Variants in PCDHA11 observed in about 807,000 individuals in gnomAD.
The protein encoded by PCDHA11 is protocadherin alpha 11.
PCDHA11 carries 61 observed loss-of-function variants against 70.3 expected under a neutral mutation model. The ratio of observed to expected loss-of-function variants is 0.87; its 90% CI spans 0.71 to 1.07. The LOEUF (loss-of-function observed/expected upper bound fraction) is 1.07, where lower values mean the gene tolerates loss of function less well. PCDHA11 is among the 50% of genes least tolerant of loss of function. The pLI is 0.00. For missense variants in PCDHA11, 1,324 were observed against 1,237.5 expected, an observed-to-expected ratio of 1.07 and a Z score of -1.05; for synonymous variants, 633 against 555.1, an observed-to-expected ratio of 1.14 and a Z score of -1.97.
At chr5:141,003,968 G>A (rs1262948428) in intron 3 of PCDHA11, among the ~76,000 whole-genome samples, 1 of 152,148 alleles carries the variant, frequency 6.6e-6, no homozygotes, top group Non-Finnish European at 1.5e-5. Flanking sequence ...GGAGCATAAG[G>A]GAGGGGACTT....
chr5:140,983,711 G>C (rs2097062291), intron 3 of PCDHA11, among the ~76,000 whole-genome samples: 1 of 152,202 alleles, frequency 6.6e-6, no homozygotes, highest in Non-Finnish European at 1.5e-5. Context: ...AGTATATCTA[G>C]CACTTATATT....
At chr5:140,945,142 A>G (rs2093746990) in intron 1 of PCDHA11, among the ~76,000 whole-genome samples, 1 of 152,184 alleles carries the variant, frequency 6.6e-6, no homozygotes. Context: ...AATCAATAGC[A>G]TTTCTATACA....
At chr5:140,902,677 G>A (rs1457054226) in intron 1 of PCDHA11, among the ~76,000 whole-genome samples, 6 of 151,960 alleles carry the variant, frequency 3.9e-5, no homozygotes, top group Non-Finnish European at 5.9e-5. Flanking sequence ...AGTGTACACC[G>A]TACCTAATAT....
At chr5:140,878,110 AC>A (rs1554170303) in intron 1 of PCDHA11, 1 of 249,146 alleles carries the variant, frequency 4.0e-6, no homozygotes, top group African/African-American at 2.3e-5. Context: ...CTTGAAAAAA[AC>A]AGTATATTAG....
chr5:140,896,687 T>G (rs782089227), intron 1 of PCDHA11, among the ~76,000 whole-genome samples: 2 of 152,170 alleles, frequency 1.3e-5, no homozygotes, highest in Non-Finnish European at 2.9e-5. Context: ...CTTTGCCCAT[T>G]TTTTGATGAG....
In PCDHA11 at chr5:140,871,504, C is replaced by CT; in HGVS notation, c.2391+11dup. Reference sequence around the variant, plus strand: ...AAATCACCCCGGACAGGTGAGTTTTCTACAGATTCCACCTATCAGGAAGTG... The same window carrying CT: ...AAATCACCCCGGACAGGTGAGTTTTCTTACAGATTCCACCTATCAGGAAGTG... On this transcript the variant is annotated intron_variant, in intron 1 of 3. Coordinates refer to ENST00000398640, the MANE Select transcript of PCDHA11 (RefSeq NM_018902.5). 1 of 1,581,824 alleles carries CT rather than the reference C, an allele frequency of 6.3e-7. No individual in the cohort carries two copies. The highest frequency in any genetic ancestry group is 1.1e-5 in the South Asian group (1 of 87,600).
At chr5:140,962,318 A>G (rs2095672102) in intron 1 of PCDHA11, among the ~76,000 whole-genome samples, 1 of 152,338 alleles carries the variant, frequency 6.6e-6, no homozygotes, top group South Asian at 2.1e-4. Context: ...GGCCATCTCA[A>G]TTGAGAATAC....
Position 140,882,079 on chromosome 5 carries a change from G to A in PCDHA11, c.2391+10585G>A. ...CTTACACGTTCATGCGCATGGTGTC[G>A]CTCTTCACTGAGAACGTTTCCGCGA... On this transcript the variant is annotated intron_variant, in intron 1 of 3. Transcript: ENST00000398640. The A allele has an allele frequency of 3.1e-6, 3 of 952,852 alleles. No homozygotes were observed. In the East Asian group the frequency reaches 7.8e-5, roughly 25 times the overall value. 59.0% of individuals were successfully genotyped at this position (952,852 alleles called of 1,614,324 possible). A position where few individuals can be genotyped will look rare whatever the true frequency, so the allele number is the denominator to read the frequency against.
At chr5:140,959,585 C>A (rs1363843588) in intron 1 of PCDHA11, among the ~76,000 whole-genome samples, 1 of 152,004 alleles carries the variant, frequency 6.6e-6, no homozygotes, top group Non-Finnish European at 1.5e-5. Context: ...TCAATTCTAT[C>A]AGCCAAGTAT....
intron 3 of PCDHA11, among the ~76,000 whole-genome samples, chr5:141,000,399 A>ATT (rs2097917152): frequency 1.5e-5 from 1 of 66,842 alleles, no homozygotes; most frequent in Non-Finnish European, 2.7e-5. Context: ...CTCTCTCTAT[A>ATT]TATATATATA....
At chr5:140,941,563 C>T (rs2093116700) in intron 1 of PCDHA11, among the ~76,000 whole-genome samples, 1 of 151,946 alleles carries the variant, frequency 6.6e-6, no homozygotes, top group Admixed American at 6.6e-5. Context: ...GATCCATTCG[C>T]CTCAGCCTCC....
At chr5:140,943,019 G>A (rs1554215345) in intron 1 of PCDHA11, among the ~76,000 whole-genome samples, 1 of 152,068 alleles carries the variant, frequency 6.6e-6, no homozygotes, top group Non-Finnish European at 1.5e-5. Flanking sequence ...CACTTTGGGA[G>A]GCTGAGGTGG....
intron 1 of PCDHA11, among the ~76,000 whole-genome samples, chr5:140,874,252 G>A (rs532178726): frequency 6.6e-6 from 1 of 152,286 alleles, no homozygotes; most frequent in Non-Finnish European, 1.5e-5. Flanking sequence ...TTGGTTTAAA[G>A]ATTTTGACTT....
At chr5:140,967,579 C>G in intron 1 of PCDHA11, 7 of 1,614,154 alleles carry the variant, frequency 4.3e-6, no homozygotes, top group South Asian at 1.1e-5. Context: ...AGGACTCACC[C>G]CCAGGCACAT....
At chr5:140,900,957 A>C (rs1264192105) in intron 1 of PCDHA11, among the ~76,000 whole-genome samples, 1 of 152,206 alleles carries the variant, frequency 6.6e-6, no homozygotes, top group African/African-American at 2.4e-5. Flanking sequence ...TCTGATTATC[A>C]GTGATGTTGA....
intron 1 of PCDHA11, among the ~76,000 whole-genome samples, chr5:140,914,395 C>G (rs781878941): frequency 6.6e-6 from 1 of 152,082 alleles, no homozygotes; most frequent in African/African-American, 2.4e-5. Context: ...TGTAGTTACC[C>G]CTGCTCCTGT....
chr5:140,926,404 A>G (rs192980510), intron 1 of PCDHA11: 1 of 152,612 alleles, frequency 6.6e-6, no homozygotes, highest in African/African-American at 2.4e-5. Context: ...GTTATCAGCA[A>G]TCTGCGGGCA....
chr5:140,899,384 A>G (rs2067296665), intron 1 of PCDHA11, among the ~76,000 whole-genome samples: 2 of 152,124 alleles, frequency 1.3e-5, no homozygotes, highest in Admixed American at 1.3e-4. Context: ...TAATTTATTG[A>G]GAGTTTTTAG....
chr5:140,876,273 C>T, intron 1 of PCDHA11: 1 of 1,613,982 alleles, frequency 6.2e-7, no homozygotes, highest in South Asian at 1.1e-5. Context: ...TAAATGCTTC[C>T]GATCCAGACG....
Sources: gnomAD v4.1 joint callset for allele counts (sites outside exome capture counted in the v4.1 genomes callset) on GRCh38, gnomAD v4.1.1 for gene constraint, MANE v1.5 for transcripts, NCBI Gene and HGNC (gene_info 2026-07-23, HGNC 2026-07-21) for gene names.